The following MLF2 variants were observed in gnomAD, a reference collection of about 807,000 sequenced individuals.
MLF2 encodes the protein myelodysplasia-myeloid leukemia factor 2.
A neutral mutation model predicts 31.4 loss-of-function variants in MLF2; 12 were observed. That is an observed-to-expected ratio of 0.38 (90% CI 0.24 to 0.62). The LOEUF (loss-of-function observed/expected upper bound fraction) is 0.62, where lower values mean the gene tolerates loss of function less well. MLF2 is among the 20% of genes least tolerant of loss of function. The pLI, the probability that MLF2 is intolerant of heterozygous loss-of-function variation, is 0.58. For missense variants in MLF2, 272 were observed against 359.7 expected (o/e 0.76, Z 1.97); for synonymous variants, 109 against 118.8 (o/e 0.92, Z 0.54).
Position 6,752,356 on chromosome 12 carries a change from C to T in MLF2, c.-22G>A. The T allele has an allele frequency of 1.9e-6, 3 of 1,555,100 alleles. No individual in the cohort carries two copies. Among genetic ancestry groups the T allele is most frequent in the Non-Finnish European group, 1.7e-6 (2 of 1,148,532 alleles). On this transcript the variant is annotated 5_prime_UTR_variant, in exon 2 of 9. Coordinates refer to ENST00000203630, the MANE Select transcript of MLF2 (RefSeq NM_001382226.1). The surrounding 1 kb of genome is among the most constrained non-coding windows in gnomAD (Gnocchi z 4.6). Reference sequence around the variant, plus strand: ...ACATCCTGATCTCAGCTCCAGGGGGCTCCACACTGGAAAGATATGGAAGCT... The same window carrying T: ...ACATCCTGATCTCAGCTCCAGGGGGTTCCACACTGGAAAGATATGGAAGCT...
Position 6,753,038 on chromosome 12 carries a change from C to A in MLF2, c.-128G>T, listed in dbSNP as rs753145026. The stretch of plus-strand genomic sequence containing the variant: ...CCCGGAACGTGGGGATTGGTCCGGG[C>A]TTGAGCTCCTCGGCCTTCCACGCCG... On this transcript the variant is annotated 5_prime_UTR_variant, in exon 1 of 9. Transcript: ENST00000203630. 15 of 370,076 alleles carry A rather than the reference C, an allele frequency of 4.1e-5. No homozygotes were observed. Among genetic ancestry groups the A allele is most frequent in the Non-Finnish European group, 6.2e-5 (13 of 208,170 alleles). 22.9% of individuals were successfully genotyped at this position (370,076 alleles called of 1,614,324 possible).
Position 6,750,648 on chromosome 12 carries a change from G to A in MLF2, c.270+65C>T. 1 of 1,512,600 alleles carries A rather than the reference G, an allele frequency of 6.6e-7. No homozygotes were observed. Among genetic ancestry groups the A allele is most frequent in the African/African-American group, 1.4e-5 (1 of 72,898 alleles). The allele number at this position is 1,512,600 out of a possible 1,614,324, so 93.7% of individuals were successfully genotyped here. The stretch of plus-strand genomic sequence containing the variant: ...CATACTGTTTCCCTCTTGCCTTAGA[G>A]GATGCAAGGTGTTGTCAGCCATCAC... On this transcript the variant is annotated intron_variant, in intron 5 of 8. Transcript: ENST00000203630. The surrounding 1 kb of genome is among the most constrained non-coding windows in gnomAD (Gnocchi z 5.3).
rs537238205 is a variant in MLF2, at chr12:6,749,118, C to T, written c.560-136G>A. On this transcript the variant is annotated intron_variant, in intron 7 of 8. Coordinates refer to ENST00000203630, the MANE Select transcript of MLF2 (RefSeq NM_001382226.1). This position sits in a 1 kb window ranked among gnomAD's most constrained non-coding sequence, Gnocchi z 5.3. Reference sequence around the variant, plus strand: ...GCAGGGATGGGTGGGGTGGCAATTCCCTTAGCTCTTTTGGTTTCTGCACGG... The same window carrying T: ...GCAGGGATGGGTGGGGTGGCAATTCTCTTAGCTCTTTTGGTTTCTGCACGG... The T allele has an allele frequency of 1.5e-4, 141 of 956,540 alleles. No individual in the cohort carries two copies. The highest frequency in any genetic ancestry group is 1.3e-3 in the African/African-American group (74 of 57,194). The allele number at this position is 956,540 out of a possible 1,614,324, so 59.3% of individuals were successfully genotyped here. A position where few individuals can be genotyped will look rare whatever the true frequency, so the allele number is the denominator to read the frequency against.
Position 6,749,047 on chromosome 12 carries a change from C to G in MLF2, c.560-65G>C, listed in dbSNP as rs552269299. 4.1e-6 allele frequency: 6 copies of G among 1,451,278 alleles called. No individual in the cohort carries two copies. In the African/African-American group the frequency reaches 7.5e-5, roughly 18 times the overall value. 89.9% of individuals were successfully genotyped at this position (1,451,278 alleles called of 1,614,324 possible). A position where few individuals can be genotyped will look rare whatever the true frequency, so the allele number is the denominator to read the frequency against. On this transcript the variant is annotated intron_variant, in intron 7 of 8. Coordinates refer to ENST00000203630, the MANE Select transcript of MLF2 (RefSeq NM_001382226.1). The surrounding 1 kb of genome is among the most constrained non-coding windows in gnomAD (Gnocchi z 5.3). ...TGGCTCCTGGAGGCCGATGTGCGAG[C>G]GAGCCACAGCTTTTCGGGCCAAAGC...
chr12:6,752,298 G>A lies in MLF2; in HGVS notation c.37C>T (p.Pro13Ser). 6.4e-7 allele frequency: 1 copy of A among 1,561,992 alleles called. No individual in the cohort carries two copies. The highest frequency in any genetic ancestry group is 8.7e-7 in the Non-Finnish European group (1 of 1,152,152). The change falls in exon 2 of 9, where the codon CCC (proline) becomes TCC (serine). Residue 13 changes from proline to serine, a missense_variant. Transcript: ENST00000203630. The surrounding 1 kb of genome is among the most constrained non-coding windows in gnomAD (Gnocchi z 4.6). ...RFMRDVEPED[P>S]MFLMDPFAIH... is the part of the protein sequence containing the mutation. ...GGGAATACTCACATCAGGAACATGG[G>A]ATCCTCAGGCTCCACGTCCCTCATG...
Position 6,752,245 on chromosome 12 carries a change from G to T in MLF2, c.50+40C>A, listed in dbSNP as rs192938779. 2.6e-6 allele frequency: 4 copies of T among 1,555,632 alleles called. No homozygotes were observed. The East Asian group carries it at 9.7e-5, about 38-fold the overall frequency. The stretch of plus-strand genomic sequence containing the variant: ...CCGATGTCTGCCTGAACTGCTCAGA[G>T]ACCTGGAGTGGGAGAGCTTGAGGGG... On this transcript the variant is annotated intron_variant, in intron 2 of 8. Coordinates refer to ENST00000203630, the MANE Select transcript of MLF2 (RefSeq NM_001382226.1). This position sits in a 1 kb window ranked among gnomAD's most constrained non-coding sequence, Gnocchi z 4.6.
In MLF2 at chr12:6,751,987, A is replaced by C; in HGVS notation, c.118T>G (p.Phe40Val). 2 of 1,614,220 alleles carry C rather than the reference A, an allele frequency of 1.2e-6. No individual in the cohort carries two copies. Among genetic ancestry groups the C allele is most frequent in the Non-Finnish European group, 1.7e-6 (2 of 1,180,036 alleles). ...MLSGGFGYSP[F>V]LSITDGNMPG... is the part of the protein sequence containing the mutation. ...ATGTTGCCATCTGTGATGCTGAGGA[A>C]GGGGCTATATCCAAAGCCACCTGAC... The change falls in exon 3 of 9, where the codon TTC (phenylalanine) becomes GTC (valine). Residue 40 changes from phenylalanine to valine, a missense_variant. Phe to Val is a conservative substitution (Grantham distance 50). Transcript: ENST00000203630.
Position 6,750,145 on chromosome 12 carries a change from CTTCTCTGGG to C in MLF2, c.399+23_399+31del. The C allele has an allele frequency of 6.2e-7, 1 of 1,614,046 alleles. No individual in the cohort carries two copies. Among genetic ancestry groups the C allele is most frequent in the African/African-American group, 1.3e-5 (1 of 74,990 alleles). On this transcript the variant is annotated intron_variant, in intron 6 of 8. Transcript: ENST00000203630. The surrounding 1 kb of genome is among the most constrained non-coding windows in gnomAD (Gnocchi z 5.3). ...TTCTGGCGGTGCCGCTCAATCCTACCTTCTCTGGGACAGGAGGGCTCCCCAACTCACCCC... is the reference window on the plus strand; with the variant it reads ...TTCTGGCGGTGCCGCTCAATCCTACCACAGGAGGGCTCCCCAACTCACCCC...
chr12:6,748,071 G>A lies in MLF2; in HGVS notation c.*502C>T, dbSNP rs1202086703. 5 of 152,266 alleles carry A rather than the reference G, an allele frequency of 3.3e-5. No individual in the cohort carries two copies. Among genetic ancestry groups the A allele is most frequent in the Non-Finnish European group, 7.3e-5 (5 of 68,064 alleles). The allele number at this position is 152,266 out of a possible 1,614,324, so 9.4% of individuals were successfully genotyped here. ...AAATCAAAAAATAAAGGCAGAGAAG[G>A]GTGTAGGGAAGATTCTTTTGATGTG... is the stretch of plus-strand genomic sequence containing the variant. On this transcript the variant is annotated 3_prime_UTR_variant, in exon 9 of 9. Transcript: ENST00000203630. This position sits in a 1 kb window ranked among gnomAD's most constrained non-coding sequence, Gnocchi z 4.6.
rs1941603376 is a variant in MLF2 at position 6,750,828 on chromosome 12, G to T, written c.217-62C>A. ...AAAGTCAGTGTTCAGAGTTGATCCT[G>T]TTTAGGAACCCACAACCCACATGGC... On this transcript the variant is annotated intron_variant, in intron 4 of 8. Transcript: ENST00000203630. This position sits in a 1 kb window ranked among gnomAD's most constrained non-coding sequence, Gnocchi z 5.3. 2 of 1,491,948 alleles carry T rather than the reference G, an allele frequency of 1.3e-6. No individual in the cohort carries two copies. Among genetic ancestry groups the T allele is most frequent in the Non-Finnish European group, 1.9e-6 (2 of 1,071,662 alleles). The allele number at this position is 1,491,948 out of a possible 1,614,324, so 92.4% of individuals were successfully genotyped here.
Position 6,750,547 on chromosome 12 carries a change from G to T in MLF2, c.270+166C>A. 1.1e-6 allele frequency: 1 copy of T among 928,800 alleles called. No individual in the cohort carries two copies. Among genetic ancestry groups the T allele is most frequent in the Non-Finnish European group, 1.6e-6 (1 of 611,290 alleles). The allele number at this position is 928,800 out of a possible 1,614,324, so 57.5% of individuals were successfully genotyped here. A position where few individuals can be genotyped will look rare whatever the true frequency, so the allele number is the denominator to read the frequency against. ...AGAGAGCTGCTGCCGGCTGCTTCAG[G>T]CAGGCATGACAGCAGGTACAGGGTC... On this transcript the variant is annotated intron_variant, in intron 5 of 8. Coordinates refer to ENST00000203630, the MANE Select transcript of MLF2 (RefSeq NM_001382226.1). This position sits in a 1 kb window ranked among gnomAD's most constrained non-coding sequence, Gnocchi z 5.3.
At position 6,752,008 on chromosome 12, in the gene MLF2, C is replaced by G. The variant is rs1941622431; in HGVS notation, c.97G>C (p.Gly33Arg). 1 of 1,614,226 alleles carries G rather than the reference C, an allele frequency of 6.2e-7. No homozygotes were observed. Among genetic ancestry groups the G allele is most frequent in the South Asian group, 1.1e-5 (1 of 91,080 alleles). The change falls in exon 3 of 9, where the codon GGT becomes CGT. Residue 33 changes from glycine to arginine, a missense_variant. Transcript: ENST00000203630. This position sits in a 1 kb window ranked among gnomAD's most constrained non-coding sequence, Gnocchi z 4.6. Reference protein sequence around the residue: ...HRQHMSRMLSGGFGYSPFLSI... With the variant: ...HRQHMSRMLSRGFGYSPFLSI... ...AGGAAGGGGCTATATCCAAAGCCACCTGACAACATACGGCTCATATGCTGA... is the reference window on the plus strand; with the variant it reads ...AGGAAGGGGCTATATCCAAAGCCACGTGACAACATACGGCTCATATGCTGA...
In MLF2 at chr12:6,750,063, A is replaced by T; in HGVS notation, c.400-56T>A. On this transcript the variant is annotated intron_variant, in intron 6 of 8. Coordinates refer to ENST00000203630, the MANE Select transcript of MLF2 (RefSeq NM_001382226.1). The surrounding 1 kb of genome is among the most constrained non-coding windows in gnomAD (Gnocchi z 5.3). The stretch of plus-strand genomic sequence containing the variant: ...CCGCCCCTTCCAAAGCCCTGCCTAT[A>T]CCATCTCAGGATAAACACACCACAC... 6.2e-7 allele frequency: 1 copy of T among 1,612,014 alleles called. No homozygotes were observed. The highest frequency in any genetic ancestry group is 8.5e-7 in the Non-Finnish European group (1 of 1,178,510).
Position 6,749,714 on chromosome 12 carries a change from A to C in MLF2, c.559+134T>G. 4 of 1,207,672 alleles carry C rather than the reference A, an allele frequency of 3.3e-6. No individual in the cohort carries two copies. Among genetic ancestry groups the C allele is most frequent in the Admixed American group, 2.3e-5 (1 of 43,522 alleles). The allele number at this position is 1,207,672 out of a possible 1,614,324, so 74.8% of individuals were successfully genotyped here. ...TGGGCACCTGGGCAACAAGAGCGAG[A>C]CTCCATCTCAAAAAAAAAAAAAAAG... is the stretch of plus-strand genomic sequence containing the variant. On this transcript the variant is annotated intron_variant, in intron 7 of 8. Coordinates refer to ENST00000203630, the MANE Select transcript of MLF2 (RefSeq NM_001382226.1). The surrounding 1 kb of genome is among the most constrained non-coding windows in gnomAD (Gnocchi z 5.3).
chr12:6,750,408 A>C lies in MLF2; in HGVS notation c.271-103T>G, dbSNP rs1941596420. On this transcript the variant is annotated intron_variant, in intron 5 of 8. Transcript: ENST00000203630. The surrounding 1 kb of genome is among the most constrained non-coding windows in gnomAD (Gnocchi z 5.3). Reference sequence around the variant, plus strand: ...TGTTCTAGCCTGTATCTTTCTCACAAAATGCAAGAACTGAAAAAACATCAG... The same window carrying C: ...TGTTCTAGCCTGTATCTTTCTCACACAATGCAAGAACTGAAAAAACATCAG... 1 of 1,432,894 alleles carries C rather than the reference A, an allele frequency of 7.0e-7. No individual in the cohort carries two copies. The highest frequency in any genetic ancestry group is 2.2e-5 in the Admixed American group (1 of 45,652). The allele number at this position is 1,432,894 out of a possible 1,614,324, so 88.8% of individuals were successfully genotyped here. A position where few individuals can be genotyped will look rare whatever the true frequency, so the allele number is the denominator to read the frequency against.
At position 6,750,189 on chromosome 12, in the gene MLF2, C is replaced by T. The variant is rs535410109; in HGVS notation, c.387G>A (p.Ser129=). ...KVYQETSEMR[S]APGGIRETRR... ...CTCCCCAACTCACCCCGCCTGGTGCCGAGCGCATCTCTGATGTCTCTTGGT... is the reference window on the plus strand; with the variant it reads ...CTCCCCAACTCACCCCGCCTGGTGCTGAGCGCATCTCTGATGTCTCTTGGT... Residue 129 remains serine, a synonymous_variant, in exon 6 of 9, where the codon TCG becomes TCA. Coordinates refer to ENST00000203630, the MANE Select transcript of MLF2 (RefSeq NM_001382226.1). This position sits in a 1 kb window ranked among gnomAD's most constrained non-coding sequence, Gnocchi z 5.3. 8 of 1,614,192 alleles carry T rather than the reference C, an allele frequency of 5.0e-6. No individual in the cohort carries two copies. Among genetic ancestry groups the T allele is most frequent in the Middle Eastern group, 1.6e-4 (1 of 6,062 alleles).
In MLF2 at chr12:6,750,604, G is replaced by A. The variant is rs1592484346; in HGVS notation, c.270+109C>T. On this transcript the variant is annotated intron_variant, in intron 5 of 8. Transcript: ENST00000203630. This position sits in a 1 kb window ranked among gnomAD's most constrained non-coding sequence, Gnocchi z 5.3. ...CTCTCTGGTTCAATTACTTTATCCA[G>A]TACTTTACCCTTCACTAGCATACTG... 2 of 1,289,118 alleles carry A rather than the reference G, an allele frequency of 1.6e-6. No homozygotes were observed. The highest frequency in any genetic ancestry group is 2.4e-5 in the East Asian group (1 of 42,250). 79.9% of individuals were successfully genotyped at this position (1,289,118 alleles called of 1,614,324 possible).
chr12:6,752,114 C>T lies in MLF2; in HGVS notation c.51-60G>A, dbSNP rs1284868670. 2 of 1,607,814 alleles carry T rather than the reference C, an allele frequency of 1.2e-6. No homozygotes were observed. The highest frequency in any genetic ancestry group is 1.1e-5 in the South Asian group (1 of 90,634). On this transcript the variant is annotated intron_variant, in intron 2 of 8. Transcript: ENST00000203630. The surrounding 1 kb of genome is among the most constrained non-coding windows in gnomAD (Gnocchi z 4.6). ...CGCCAAACTGTCAATCCCTCCACCA[C>T]CCTGCAAAAAAATACGCACAGAGCA...
At position 6,749,013 on chromosome 12, in the gene MLF2, T is replaced by C. The variant is rs368645748; in HGVS notation, c.560-31A>G. 4.3e-5 allele frequency: 66 copies of C among 1,518,658 alleles called. No homozygotes were observed. Among genetic ancestry groups the C allele is most frequent in the South Asian group, 3.8e-4 (29 of 76,838 alleles). The allele number at this position is 1,518,658 out of a possible 1,614,324, so 94.1% of individuals were successfully genotyped here. A position where few individuals can be genotyped will look rare whatever the true frequency, so the allele number is the denominator to read the frequency against. On this transcript the variant is annotated intron_variant, in intron 7 of 8. Coordinates refer to ENST00000203630, the MANE Select transcript of MLF2 (RefSeq NM_001382226.1). This position sits in a 1 kb window ranked among gnomAD's most constrained non-coding sequence, Gnocchi z 5.3. ...AAGGACAGAGCGGACATGAGGCCTG[T>C]GTGCGGCCTGGCTCCTGGAGGCCGA... is the stretch of plus-strand genomic sequence containing the variant.
Sources: allele counts gnomAD v4.1 joint callset, GRCh38; gene constraint gnomAD v4.1.1; non-coding constraint Gnocchi (gnomAD v3.1); transcripts MANE v1.5; gene names NCBI Gene and HGNC (gene_info 2026-07-23, HGNC 2026-07-21).